SLC5A10: variants seen among roughly 807,000 people sequenced by gnomAD.
The protein encoded by SLC5A10 is sodium/mannose cotransporter SLC5A10.
A neutral mutation model predicts 68.9 loss-of-function variants in SLC5A10; 55 were observed. The observed-to-expected ratio is 0.80, with a 90% CI of 0.64 to 1.00. The LOEUF is 1.00. Among genes scored for constraint, SLC5A10 ranks in the 50% least tolerant of loss-of-function variants. The probability of loss-of-function intolerance (pLI) is 0.00; values close to 1 mark genes in which losing one functional copy is unlikely to be tolerated. For synonymous variants in SLC5A10, 344 were observed against 344.8 expected (o/e 1.00, Z 0.02); for missense variants, 732 against 819.3 (o/e 0.89, Z 1.30).
Position 18,959,352 on chromosome 17 carries a change from C to G in SLC5A10, c.288+113C>G, listed in dbSNP as rs151061894. On this transcript the variant is annotated intron_variant, in intron 3 of 14. Coordinates refer to ENST00000395645, the MANE Select transcript of SLC5A10 (RefSeq NM_001042450.4). The stretch of plus-strand genomic sequence containing the variant: ...GTGTCAGCCGATGTCCAGGTGGGCT[C>G]TGTGCAGTGCTGTTCCTGGGCCAAA... 2.0e-3 allele frequency: 2,197 copies of G among 1,098,486 alleles called. 26 individuals carry two copies. The African/African-American group carries it at 0.03, about 15-fold the overall frequency. The allele number at this position is 1,098,486 out of a possible 1,614,324, so 68.0% of individuals were successfully genotyped here. A position where few individuals can be genotyped will look rare whatever the true frequency, so the allele number is the denominator to read the frequency against.
intron 7 of SLC5A10, chr17:18,970,610 C>T: frequency 3.9e-6 from 1 of 259,514 alleles, no homozygotes; most frequent in South Asian, 4.7e-5. Flanking sequence ...AGGATGAACA[C>T]TTTAGAAGCC....
In SLC5A10 at chr17:19,015,216, C is replaced by CGGT. The variant is rs56122861; in HGVS notation, c.1241+17_1241+18insGGT. 139 of 939,574 alleles carry CGGT rather than the reference C, an allele frequency of 1.5e-4. 22 individuals are homozygous for CGGT. The highest frequency in any genetic ancestry group is 3.9e-4 in the Middle Eastern group (1 of 2,576). The allele number at this position is 939,574 out of a possible 1,614,324, so 58.2% of individuals were successfully genotyped here. Reference sequence around the variant, plus strand: ...GGTGGGACGGTACGGGGGTGGGGGCCAGTACGGGGGTGGGGGAACACTACA... The same window carrying CGGT: ...GGTGGGACGGTACGGGGGTGGGGGCCGGTAGTACGGGGGTGGGGGAACACTACA... On this transcript the variant is annotated intron_variant, in intron 11 of 14. Coordinates refer to ENST00000395645, the MANE Select transcript of SLC5A10 (RefSeq NM_001042450.4).
intron 5 of SLC5A10, among the ~76,000 whole-genome samples, chr17:18,965,081 T>C (rs63058363): frequency 3.4e-5 from 1 of 29,334 alleles, no homozygotes; most frequent in Non-Finnish European, 6.5e-5. Flanking sequence ...GAGGCAGAGG[T>C]TTTTTTAAAA....
In SLC5A10 at chr17:18,952,253, G is replaced by C; in HGVS notation, c.48G>C (p.Leu16=). 6.2e-7 allele frequency: 1 copy of C among 1,613,980 alleles called. No homozygotes were observed. Among genetic ancestry groups the C allele is most frequent in the Non-Finnish European group, 8.5e-7 (1 of 1,179,948 alleles). Residue 16 remains leucine (L), a synonymous_variant, in exon 1 of 15, where the codon CTG becomes CTC. Transcript: ENST00000395645. ...TSDLHTPGTQ[L]SVADIIVITV... Reference sequence around the variant, plus strand: ...ACCTCCACACTCCCGGGACGCAGCTGAGCGTGGCTGACATCATCGTCATCA... The same window carrying C: ...ACCTCCACACTCCCGGGACGCAGCTCAGCGTGGCTGACATCATCGTCATCA...
At chr17:18,963,587 G>A (rs1343290747) in intron 5 of SLC5A10, among the ~76,000 whole-genome samples, 1 of 152,260 alleles carries the variant, frequency 6.6e-6, no homozygotes, top group Non-Finnish European at 1.5e-5. Context: ...CACGCGCCCA[G>A]GCGGTCCCCA....
Position 18,968,930 on chromosome 17 carries a change from G to A in SLC5A10, c.454-122G>A. 1 of 868,440 alleles carries A rather than the reference G, an allele frequency of 1.2e-6. No homozygotes were observed. Among genetic ancestry groups the A allele is most frequent in the Admixed American group, 2.9e-5 (1 of 35,060 alleles). The allele number at this position is 868,440 out of a possible 1,614,324, so 53.8% of individuals were successfully genotyped here. ...GATGCAGGCAGGCAGGCGAGTGGGGGTCTCCCCTCCTTATCCACAGGCCAC... is the reference window on the plus strand; with the variant it reads ...GATGCAGGCAGGCAGGCGAGTGGGGATCTCCCCTCCTTATCCACAGGCCAC... On this transcript the variant is annotated intron_variant, in intron 5 of 14. Coordinates refer to ENST00000395645, the MANE Select transcript of SLC5A10 (RefSeq NM_001042450.4). The surrounding 1 kb of genome is among the most constrained non-coding windows in gnomAD (Gnocchi z 4.1).
chr17:18,963,982 AAC>A (rs1368838645), intron 5 of SLC5A10, among the ~76,000 whole-genome samples: 1 of 152,118 alleles, frequency 6.6e-6, no homozygotes, highest in Non-Finnish European at 1.5e-5. Context: ...CGCTTCCATG[AAC>A]ACACCAGGCA....
chr17:18,969,309 G>C, intron 6 of SLC5A10, 33 bp from the exon 7 acceptor site: 1 of 1,608,702 alleles, frequency 6.2e-7, no homozygotes, highest in South Asian at 1.1e-5. Flanking sequence ...CTGGGGCCAG[G>C]GCCCCCTCCA....
At chr17:19,019,166 G>A (rs529325770) in intron 11 of SLC5A10, 2 of 492,548 alleles carry the variant, frequency 4.1e-6, no homozygotes, top group East Asian at 6.8e-5. Flanking sequence ...TGGCTCCGCA[G>A]AGACCCCAGG....
chr17:18,962,715 G>A (rs1359654889), intron 5 of SLC5A10, among the ~76,000 whole-genome samples: 1 of 152,126 alleles, frequency 6.6e-6, no homozygotes, highest in African/African-American at 2.4e-5. Flanking sequence ...GTGCTCTCTG[G>A]AATCTTCCAG....
In SLC5A10 at chr17:19,021,674, T is replaced by TG. The variant is rs992418762; in HGVS notation, c.*1246dup. 127 of 397,806 alleles carry TG rather than the reference T, an allele frequency of 3.2e-4. No individual in the cohort carries two copies. The highest frequency in any genetic ancestry group is 5.0e-4 in the East Asian group (14 of 28,032). 24.6% of individuals were successfully genotyped at this position (397,806 alleles called of 1,614,324 possible). On this transcript the variant is annotated 3_prime_UTR_variant, in exon 15 of 15. Coordinates refer to ENST00000395645, the MANE Select transcript of SLC5A10 (RefSeq NM_001042450.4). This position sits in a 1 kb window ranked among gnomAD's most constrained non-coding sequence, Gnocchi z 4.1. ...AGATGGGGCCATTGACAAGAGGAGG[T>TG]GGGCGGGGCCTCCACAGACTCCGCC...
intron 9 of SLC5A10, among the ~76,000 whole-genome samples, chr17:18,992,477 C>G (rs1335985408): frequency 6.6e-6 from 1 of 152,222 alleles, no homozygotes; most frequent in African/African-American, 2.4e-5. Flanking sequence ...GCCACTGCCC[C>G]CCAGCAGACA....
Position 19,013,415 on chromosome 17 carries a change from G to A in SLC5A10, c.988G>A (p.Val330Met), listed in dbSNP as rs748520966. The change falls in exon 10 of 15, where the codon GTG becomes ATG. Residue 330 changes from valine (V) to methionine (M), a missense_variant. Physicochemically the swap from Val to Met is conservative, Grantham distance 21 (BLOSUM62 1). Transcript: ENST00000395645. ...AGTGTCCGTCTCTCGAACAGATGAT[G>A]TGGGCTGCGTGGTGCCGTCCGAGTG... ...MISRALFPDDVGCVVPSECLR... is the reference protein window; with the variant it reads ...MISRALFPDDMGCVVPSECLR... 2 of 1,607,110 alleles carry A rather than the reference G, an allele frequency of 1.2e-6. No homozygotes were observed. Among genetic ancestry groups the A allele is most frequent in the Non-Finnish European group, 1.7e-6 (2 of 1,176,542 alleles).
chr17:19,011,905 CG>C (rs2044023043), intron 9 of SLC5A10, among the ~76,000 whole-genome samples: 1 of 150,916 alleles, frequency 6.6e-6, no homozygotes, highest in Non-Finnish European at 1.5e-5. Context: ...TAAGAAGGGA[CG>C]TATCAGAAGG....
intron 11 of SLC5A10, 68 bp from the exon 12 acceptor site, chr17:19,019,355 C>G: frequency 5.2e-6 from 8 of 1,544,128 alleles, no homozygotes; most frequent in Non-Finnish European, 7.0e-6. Context: ...TCTTAGTGAC[C>G]AGGGGAGGTG....
intron 5 of SLC5A10, 71 bp downstream of exon 5, chr17:18,960,723 C>T (rs2042598169): frequency 2.2e-6 from 3 of 1,364,782 alleles, no homozygotes; most frequent in Non-Finnish European, 3.1e-6. Context: ...TCAAGAGGAC[C>T]TGACATCTTC....
chr17:18,951,187 G>A (rs2042362748), upstream of SLC5A10, among the ~76,000 whole-genome samples: 1 of 152,244 alleles, frequency 6.6e-6, no homozygotes, highest in African/African-American at 2.4e-5. Flanking sequence ...ATGTCACTGA[G>A]CAGAGGCGTG....
intron 5 of SLC5A10, among the ~76,000 whole-genome samples, chr17:18,963,507 G>A (rs951388843): frequency 3.9e-5 from 6 of 152,268 alleles, no homozygotes; most frequent in African/African-American, 1.2e-4. Flanking sequence ...AGCAGAGGGC[G>A]AAGCTTGAGG....
At position 19,021,678 on chromosome 17, in the gene SLC5A10, C is replaced by G. The variant is rs1222928648; in HGVS notation, c.*1247C>G. On this transcript the variant is annotated 3_prime_UTR_variant, in exon 15 of 15. Coordinates refer to ENST00000395645, the MANE Select transcript of SLC5A10 (RefSeq NM_001042450.4). This position sits in a 1 kb window ranked among gnomAD's most constrained non-coding sequence, Gnocchi z 4.1. ...GGGGCCATTGACAAGAGGAGGTGGG[C>G]GGGGCCTCCACAGACTCCGCCCTGT... The G allele has an allele frequency of 2.5e-6, 1 of 397,964 alleles. No homozygotes were observed. The highest frequency in any genetic ancestry group is 4.4e-6 in the Non-Finnish European group (1 of 226,272). The allele number at this position is 397,964 out of a possible 1,614,324, so 24.7% of individuals were successfully genotyped here. A position where few individuals can be genotyped will look rare whatever the true frequency, so the allele number is the denominator to read the frequency against.
Sources: gnomAD v4.1 joint callset for allele counts (sites outside exome capture counted in the v4.1 genomes callset) on GRCh38, gnomAD v4.1.1 for gene constraint, Gnocchi (gnomAD v3.1) non-coding constraint, MANE v1.5 for transcripts, NCBI Gene and HGNC (gene_info 2026-07-23, HGNC 2026-07-21) for gene names.